The following DPP4 variants were observed in gnomAD, a reference collection of about 807,000 sequenced individuals.
The protein encoded by DPP4 is dipeptidyl peptidase 4.
DPP4 carries 93 observed loss-of-function variants against 122.4 expected under a neutral mutation model. The observed-to-expected ratio is 0.76, with a 90% CI of 0.64 to 0.90. The LOEUF is 0.90. Ranked by LOEUF, DPP4 falls within the 40% of genes least tolerant of loss-of-function variation. The probability of loss-of-function intolerance (pLI) is 0.00; values close to 1 mark genes in which losing one functional copy is unlikely to be tolerated. For missense variants in DPP4, 914 were observed against 907.3 expected (o/e 1.01, Z -0.09); for synonymous variants, 321 against 302.9 (o/e 1.06, Z -0.62).
intron 2 of DPP4, among the ~76,000 whole-genome samples, chr2:162,071,137 C>T (rs1358661997): frequency 6.6e-6 from 1 of 152,158 alleles, no homozygotes; most frequent in East Asian, 1.9e-4. Context: ...ATGCTCAAAA[C>T]ATCATTCACT....
At position 162,014,421 on chromosome 2, in the gene DPP4, T is replaced by C; in HGVS notation, c.1612A>G (p.Lys538Glu). The C allele has an allele frequency of 6.2e-7, 1 of 1,608,782 alleles. No individual in the cohort carries two copies. Among genetic ancestry groups the C allele is most frequent in the Non-Finnish European group, 8.5e-7 (1 of 1,177,246 alleles). ...MILPPHFDKS[K>E]KYPLLLDVYA... Reference sequence around the variant, plus strand: ...ACATCTAATAGTAGAGGATATTTCTTGGATTTATCAAAATGAGGAGGCAAG... The same window carrying C: ...ACATCTAATAGTAGAGGATATTTCTCGGATTTATCAAAATGAGGAGGCAAG... The change falls in exon 19 of 26, where the codon AAG (lysine) becomes GAG (glutamate). Residue 538 changes from lysine (K) to glutamate (E), a missense_variant. Coordinates refer to ENST00000360534, the MANE Select transcript of DPP4 (RefSeq NM_001935.4).
At chr2:162,005,837 G>C (rs754284637) in intron 22 of DPP4, 28 bp from the exon 23 acceptor site, 1 of 1,587,782 alleles carries the variant, frequency 6.3e-7, no homozygotes, top group African/African-American at 1.4e-5. Flanking sequence ...ATAAAAAAAA[G>C]TTTAATTCAT....
intron 8 of DPP4, 40 bp downstream of exon 8, chr2:162,038,261 CT>C: frequency 6.7e-7 from 1 of 1,491,440 alleles, no homozygotes; most frequent in African/African-American, 1.5e-5. Context: ...ATTTTAAAAG[CT>C]TATAGATTTT....
In DPP4 at chr2:162,011,953, C is replaced by T. The variant is rs1007381077; in HGVS notation, c.1672G>A (p.Val558Ile). The T allele has an allele frequency of 6.2e-7, 1 of 1,613,652 alleles. No individual in the cohort carries two copies. The highest frequency in any genetic ancestry group is 1.3e-5 in the African/African-American group (1 of 75,014). Reference protein sequence around the residue: ...AGPCSQKADTVFRLNWATYLA... With the variant: ...AGPCSQKADTIFRLNWATYLA... ...TAAGTGGCCCAGTTCAGTCTGAAGA[C>T]AGTGTCTGCTTTTTGACTACATGGG... The change falls in exon 20 of 26, where the codon GTC (valine) becomes ATC (isoleucine). Residue 558 changes from valine to isoleucine, a missense_variant. By Grantham distance (29) the Val-to-Ile change is conservative. Coordinates refer to ENST00000360534, the MANE Select transcript of DPP4 (RefSeq NM_001935.4).
intron 5 of DPP4, among the ~76,000 whole-genome samples, chr2:162,043,873 T>G (rs1021882590): frequency 6.6e-6 from 1 of 151,706 alleles, no homozygotes; most frequent in Non-Finnish European, 1.5e-5. Flanking sequence ...AAGAAAAAAT[T>G]GAAAATTAGC....
At chr2:162,061,725 T>G (rs1279896843) in intron 2 of DPP4, among the ~76,000 whole-genome samples, 1 of 152,350 alleles carries the variant, frequency 6.6e-6, no homozygotes, top group Non-Finnish European at 1.5e-5. Flanking sequence ...ATAATTTCTT[T>G]AATTCACCAA....
At chr2:162,001,290 A>G (rs1385324163) in intron 23 of DPP4, among the ~76,000 whole-genome samples, 1 of 152,180 alleles carries the variant, frequency 6.6e-6, no homozygotes, top group African/African-American at 2.4e-5. Flanking sequence ...AAATGAATGA[A>G]AACATGAATG....
intron 25 of DPP4, 113 bp downstream of exon 25, chr2:161,994,848 T>A (rs76057000): frequency 0.015 from 14,610 of 1,002,624 alleles, 246 homozygotes; most frequent in East Asian, 0.081. Flanking sequence ...AAAAAAAAAT[T>A]TTTAATGTTT....
intron 10 of DPP4, among the ~76,000 whole-genome samples, chr2:162,028,478 T>A (rs1401020793): frequency 2.6e-5 from 4 of 152,238 alleles, no homozygotes; most frequent in Non-Finnish European, 4.4e-5. Context: ...GCATACTGCA[T>A]GCTGCTTTTA....
At chr2:162,039,373 C>T (rs146287623) in intron 5 of DPP4, among the ~76,000 whole-genome samples, 189 bp from the exon 6 acceptor site, 173 of 152,102 alleles carry the variant, frequency 1.1e-3, no homozygotes, top group Non-Finnish European at 2.2e-3. Flanking sequence ...ACAAACTCCT[C>T]TGGAGTTCAT....
In DPP4 at chr2:161,993,194, GATC is replaced by G. The variant is rs756342908; in HGVS notation, c.*86_*88del. Reference sequence around the variant, plus strand: ...TCTTGATTTGAGTGTGTATTTTAAAGATCATCATCATCTTGACAGTGCAGTTTT... The same window carrying G: ...TCTTGATTTGAGTGTGTATTTTAAAGATCATCATCTTGACAGTGCAGTTTT... On this transcript the variant is annotated 3_prime_UTR_variant, in exon 26 of 26. Coordinates refer to ENST00000360534, the MANE Select transcript of DPP4 (RefSeq NM_001935.4). The G allele has an allele frequency of 2.3e-5, 24 of 1,025,596 alleles. No individual in the cohort carries two copies. Among genetic ancestry groups the G allele is most frequent in the African/African-American group, 3.2e-5 (2 of 62,446 alleles). The allele number at this position is 1,025,596 out of a possible 1,614,324, so 63.5% of individuals were successfully genotyped here.
chr2:162,003,404 T>C (rs758491362), intron 23 of DPP4, among the ~76,000 whole-genome samples: 3 of 152,086 alleles, frequency 2.0e-5, no homozygotes, highest in Non-Finnish European at 4.4e-5. Context: ...CCTATCTCAT[T>C]ATATAGGGAG....
rs562519500 is a variant in DPP4, at chr2:162,030,076, T to C, written c.887+3465A>G. On this transcript the variant is annotated intron_variant, in intron 10 of 25. Coordinates refer to ENST00000360534, the MANE Select transcript of DPP4 (RefSeq NM_001935.4). ...ATACGATTGCAGGATTGGCCTCTAC[T>C]GCGTAGAACCTGTCTTACTTCAGTC... Among the ~76,000 whole-genome samples, 30 of 152,352 alleles carry C rather than the reference T, an allele frequency of 2.0e-4. 1 individual carries two copies. In the South Asian group the frequency reaches 6.0e-3, roughly 31 times the overall value.
chr2:162,040,751 T>C (rs1300663392), intron 5 of DPP4, among the ~76,000 whole-genome samples: 1 of 152,062 alleles, frequency 6.6e-6, no homozygotes, highest in Non-Finnish European at 1.5e-5. Flanking sequence ...AACTATGGAC[T>C]TAAATTAATA....
intron 10 of DPP4, among the ~76,000 whole-genome samples, chr2:162,030,831 T>G (rs1258601413): frequency 6.6e-6 from 1 of 152,212 alleles, no homozygotes; most frequent in Admixed American, 6.5e-5. Context: ...CAATATTCTT[T>G]GGTAATATAC....
chr2:161,994,549 G>A (rs1700945433), intron 25 of DPP4, among the ~76,000 whole-genome samples: 1 of 152,168 alleles, frequency 6.6e-6, no homozygotes, highest in African/African-American at 2.4e-5. Flanking sequence ...AGATCCCACT[G>A]TTGTTAGAAT....
chr2:162,059,937 T>C (rs545969170), intron 2 of DPP4, among the ~76,000 whole-genome samples: 10 of 152,362 alleles, frequency 6.6e-5, no homozygotes, highest in African/African-American at 2.4e-4. Flanking sequence ...TTCTAGGCAA[T>C]GTAGACTTTC....
intron 22 of DPP4, among the ~76,000 whole-genome samples, chr2:162,008,190 G>A (rs1701332952): frequency 6.6e-6 from 1 of 152,044 alleles, no homozygotes; most frequent in African/African-American, 2.4e-5. Context: ...AGCCCTACTT[G>A]TATTTGACAT....
rs527422053 is a variant in DPP4, at chr2:162,061,325, C to T, written c.94+12074G>A. 2.6e-5 allele frequency among the ~76,000 whole-genome samples: 4 copies of T among 152,306 alleles called. No homozygotes were observed. In the East Asian group the frequency reaches 7.7e-4, roughly 29 times the overall value. ...TGCATCCCCAAGCCATCTGGACAAA[C>T]TTCTCAAATAAACAGTCTACATTCA... On this transcript the variant is annotated intron_variant, in intron 2 of 25. Coordinates refer to ENST00000360534, the MANE Select transcript of DPP4 (RefSeq NM_001935.4).
Sources: gnomAD v4.1 joint callset for allele counts (sites outside exome capture counted in the v4.1 genomes callset) on GRCh38, gnomAD v4.1.1 for gene constraint, MANE v1.5 for transcripts, NCBI Gene and HGNC (gene_info 2026-07-23, HGNC 2026-07-21) for gene names.